PPA2: variants seen among roughly 807,000 people sequenced by gnomAD.
The protein encoded by PPA2 is inorganic pyrophosphatase 2.
Under a neutral mutation model 49.5 loss-of-function variants are expected in PPA2, and 48 were observed. That is an observed-to-expected ratio of 0.97 (90% confidence interval 0.77 to 1.23). The LOEUF (loss-of-function observed/expected upper bound fraction) is 1.23, where lower values mean the gene tolerates loss of function less well. Ranked by LOEUF, PPA2 falls within the 50% of genes most tolerant of loss-of-function variation. The probability of loss-of-function intolerance (pLI) is 0.00; values close to 1 mark genes in which losing one functional copy is unlikely to be tolerated. For synonymous variants in PPA2, 131 were observed against 139.9 expected (o/e 0.94, Z 0.45); for missense variants, 429 against 410.1 (o/e 1.05, Z -0.40).
intron 7 of PPA2, chr4:105,405,726 A>G: frequency 1.4e-6 from 1 of 727,632 alleles, no homozygotes; most frequent in Non-Finnish European, 1.9e-6. Context: ...CCTAAAATAG[A>G]TACCTTATAA....
intron 7 of PPA2, among the ~76,000 whole-genome samples, chr4:105,418,835 C>G (rs1333734231): frequency 1.3e-5 from 2 of 152,210 alleles, no homozygotes; most frequent in Non-Finnish European, 2.9e-5. Flanking sequence ...CCTTAGGCAT[C>G]AGTGGCAGTT....
intron 7 of PPA2, 92 bp from the exon 8 acceptor site, chr4:105,399,256 T>G: frequency 2.4e-6 from 3 of 1,259,566 alleles, no homozygotes; most frequent in Non-Finnish European, 3.3e-6. Context: ...CCAGGAAACA[T>G]GGGGCCCAGT....
At chr4:105,402,816 A>G (rs1216095630) in intron 7 of PPA2, among the ~76,000 whole-genome samples, 2 of 152,196 alleles carry the variant, frequency 1.3e-5, no homozygotes, top group African/African-American at 4.8e-5. Context: ...ATGAGGGCCT[A>G]GACAAACGTA....
intron 10 of PPA2, 129 bp from the exon 11 acceptor site, chr4:105,371,002 T>A: frequency 2.5e-6 from 2 of 816,308 alleles, no homozygotes; most frequent in Non-Finnish European, 3.3e-6. Flanking sequence ...CTGAAAAAGG[T>A]AAATATTCCC....
chr4:105,381,652 G>T (rs1303845249), intron 10 of PPA2, among the ~76,000 whole-genome samples: 1 of 151,946 alleles, frequency 6.6e-6, no homozygotes, highest in Non-Finnish European at 1.5e-5. Flanking sequence ...GAAAGTTGTT[G>T]CAAAAAGCTT....
At chr4:105,427,723 T>C (rs1312229420) in intron 6 of PPA2, among the ~76,000 whole-genome samples, 5 of 152,202 alleles carry the variant, frequency 3.3e-5, no homozygotes, top group African/African-American at 1.2e-4. Flanking sequence ...CTACGTTTGA[T>C]TGGTGTACCT....
intron 7 of PPA2, 71 bp downstream of exon 7, chr4:105,424,125 C>T: frequency 4.6e-6 from 7 of 1,513,324 alleles, no homozygotes; most frequent in Non-Finnish European, 6.2e-6. Context: ...CCTATGTGAA[C>T]TTCTTTTAAG....
chr4:105,409,330 G>A (rs1005851111), intron 7 of PPA2, among the ~76,000 whole-genome samples: 2 of 152,350 alleles, frequency 1.3e-5, no homozygotes, highest in East Asian at 3.9e-4. Context: ...CCTGTGAGAC[G>A]GCAGCCTGGT....
intron 1 of PPA2, among the ~76,000 whole-genome samples, chr4:105,468,359 G>A (rs946835526): frequency 6.6e-5 from 10 of 152,168 alleles, no homozygotes; most frequent in African/African-American, 2.4e-4. Flanking sequence ...AGAATGTGAA[G>A]GAGAAGCATC....
intron 6 of PPA2, among the ~76,000 whole-genome samples, chr4:105,432,767 T>C (rs1168439583): frequency 1.3e-5 from 2 of 152,170 alleles, no homozygotes; most frequent in Admixed American, 6.5e-5. Flanking sequence ...GTGTATTTTA[T>C]GTGTGGCCCA....
At chr4:105,393,771 A>C (rs1022869622) in intron 9 of PPA2, among the ~76,000 whole-genome samples, 2 of 151,952 alleles carry the variant, frequency 1.3e-5, no homozygotes, top group African/African-American at 4.8e-5. Context: ...GGTTTCAAAA[A>C]GGAAGGCAGA....
At chr4:105,423,710 G>T (rs1232258491) in intron 7 of PPA2, among the ~76,000 whole-genome samples, 4 of 152,144 alleles carry the variant, frequency 2.6e-5, no homozygotes, top group African/African-American at 9.7e-5. Flanking sequence ...TCGTTAGAGG[G>T]CAGTTACTTT....
Position 105,454,089 on chromosome 4 carries a change from A to G in PPA2, c.223-447T>C, listed in dbSNP as rs73836213. Among the ~76,000 whole-genome samples the G allele has an allele frequency of 5.9e-3, 892 of 152,244 alleles. 12 individuals carry two copies. The highest frequency in any genetic ancestry group is 0.019 in the African/African-American group (796 of 41,538). On this transcript the variant is annotated intron_variant, in intron 2 of 11. Coordinates refer to ENST00000341695, the MANE Select transcript of PPA2 (RefSeq NM_176869.3). ...TGTGATTACTAGGCCTCCACCAAGC[A>G]CTTTTTTTCTTTTTTCTTTTCCCAT...
chr4:105,461,386 G>A (rs72952301), intron 1 of PPA2, among the ~76,000 whole-genome samples: 5,009 of 152,212 alleles, frequency 0.033, 271 homozygotes, highest in African/African-American at 0.11. Context: ...CCATAGATTC[G>A]CCAGAACCAC....
intron 2 of PPA2, among the ~76,000 whole-genome samples, chr4:105,454,479 C>A (rs1578878791): frequency 1.3e-5 from 2 of 151,956 alleles, no homozygotes; most frequent in East Asian, 3.9e-4. Context: ...TACAGGCGCC[C>A]GCTACCAGGC....
In PPA2 at chr4:105,396,915, T is replaced by C. The variant is rs1578815216; in HGVS notation, c.784-581A>G. Among the ~76,000 whole-genome samples the C allele has an allele frequency of 3.9e-5, 6 of 152,134 alleles. No individual in the cohort carries two copies. In the South Asian group the frequency reaches 1.2e-3, roughly 31 times the overall value. ...ATCAAAACTGCAGGCAGTCTAAATG[T>C]AGTTTTTTCAATCGAAGTAATTTTA... is the stretch of plus-strand genomic sequence containing the variant. On this transcript the variant is annotated intron_variant, in intron 8 of 11. Transcript: ENST00000341695.
chr4:105,456,540 G>T, intron 2 of PPA2, 141 bp downstream of exon 2: 1 of 623,924 alleles, frequency 1.6e-6, no homozygotes, highest in Non-Finnish European at 2.9e-6. Context: ...CATATAGGAG[G>T]CTTATGACCC....
intron 1 of PPA2, among the ~76,000 whole-genome samples, chr4:105,467,555 G>C (rs1455178180): frequency 2.6e-5 from 4 of 152,198 alleles, no homozygotes; most frequent in Non-Finnish European, 5.9e-5. Flanking sequence ...TACATTATCT[G>C]ACTTACATTT....
chr4:105,463,938 C>T (rs573842125), intron 1 of PPA2, among the ~76,000 whole-genome samples: 1 of 152,240 alleles, frequency 6.6e-6, no homozygotes, highest in African/African-American at 2.4e-5. Context: ...TGCTAGAGCA[C>T]TGTGGAAGGG....
Sources: allele counts gnomAD v4.1 joint callset (sites outside exome capture counted in the v4.1 genomes callset), GRCh38; gene constraint gnomAD v4.1.1; transcripts MANE v1.5; gene names NCBI Gene and HGNC (gene_info 2026-07-23, HGNC 2026-07-21).